FRY: variants seen among roughly 807,000 people sequenced by gnomAD.
FRY encodes the protein protein furry homolog.
In FRY, 128 loss-of-function variants were observed where a neutral mutation model predicts 348.4. That is an observed-to-expected ratio of 0.37 (90% CI 0.32 to 0.43). The LOEUF is 0.43. Among genes scored for constraint, FRY ranks in the 20% least tolerant of loss-of-function variants. FRY has a pLI of 1.00. For missense variants in FRY, 2,736 were observed against 3,695.2 expected (o/e 0.74, Z 6.73); for synonymous variants, 1,370 against 1,374.7 (o/e 1.00, Z 0.08).
intron 17 of FRY, among the ~76,000 whole-genome samples, chr13:32,168,618 C>G (rs1037615499): frequency 5.3e-5 from 8 of 152,222 alleles, no homozygotes; most frequent in Non-Finnish European, 1.2e-4. Flanking sequence ...CCTTCTCATT[C>G]TTCTTTCAGC....
chr13:32,033,097 G>A (rs1284478790), intron 1 of FRY, among the ~76,000 whole-genome samples: 1 of 152,162 alleles, frequency 6.6e-6, no homozygotes, highest in Non-Finnish European at 1.5e-5. Flanking sequence ...ATACACTATG[G>A]GGCTTGTCTG....
At chr13:32,284,856 C>T (rs1403297726) in intron 58 of FRY, among the ~76,000 whole-genome samples, 3 of 152,148 alleles carry the variant, frequency 2.0e-5, no homozygotes, top group Non-Finnish European at 4.4e-5. Flanking sequence ...TTTTTACTGA[C>T]TGGTTATGTC....
intron 1 of FRY, among the ~76,000 whole-genome samples, chr13:32,071,228 GT>G (rs1566054885): frequency 6.6e-6 from 1 of 152,170 alleles, no homozygotes; most frequent in Non-Finnish European, 1.5e-5. Context: ...CTTTAAAGTA[GT>G]TTTTTCCAAT....
chr13:32,068,639 C>T (rs768402589), intron 1 of FRY, among the ~76,000 whole-genome samples: 3 of 152,198 alleles, frequency 2.0e-5, no homozygotes, highest in Non-Finnish European at 4.4e-5. Context: ...ACAGGGCAGA[C>T]ACTTGTTGCT....
In FRY at chr13:32,249,631, G is replaced by A; in HGVS notation, c.7114G>A (p.Gly2372Ser). 2 of 1,614,202 alleles carry A rather than the reference G, an allele frequency of 1.2e-6. No individual in the cohort carries two copies. The highest frequency in any genetic ancestry group is 2.2e-5 in the East Asian group (1 of 44,878). Residue 2372 changes from glycine (G) to serine (S), a missense_variant, in exon 49 of 61, where the codon GGC (glycine) becomes AGC (serine). By Grantham distance (56) the Gly-to-Ser change is moderately conservative (BLOSUM62 0). Around this residue, in one of 9 missense-constraint regions of FRY, gnomAD observed 789 missense variants for 996.2 expected, o/e 0.79. Coordinates refer to ENST00000542859, the MANE Select transcript of FRY (RefSeq NM_023037.3). Reference protein sequence around the residue: ...VTRSTSSTSSGSNSNVLVPVS... With the variant: ...VTRSTSSTSSSSNSNVLVPVS... ...CCGGAGCACATCTTCCACTTCCTCA[G>A]GCTCCAACTCCAACGTCCTTGTTCC...
At chr13:32,055,579 C>T (rs954998704) in intron 1 of FRY, among the ~76,000 whole-genome samples, 4 of 152,140 alleles carry the variant, frequency 2.6e-5, no homozygotes, top group African/African-American at 9.7e-5. Context: ...TTATAAAGCT[C>T]TCTCCATCTT....
At chr13:32,151,307 A>T (rs995250744) in intron 14 of FRY, among the ~76,000 whole-genome samples, 21 of 152,186 alleles carry the variant, frequency 1.4e-4, no homozygotes, top group African/African-American at 2.2e-4. Flanking sequence ...ATTTAAAAAA[A>T]ATATATACCA....
At chr13:32,123,951 C>T (rs1366509400) in intron 4 of FRY, among the ~76,000 whole-genome samples, 1 of 152,182 alleles carries the variant, frequency 6.6e-6, no homozygotes, top group East Asian at 1.9e-4. Context: ...TCTCCTGCTT[C>T]AGCCTCTCAA....
chr13:32,078,850 C>A lies in FRY; in HGVS notation c.87C>A (p.Asn29Lys), dbSNP rs771608246. Residue 29 changes from asparagine to lysine, a missense_variant, in exon 2 of 61, where the codon AAC (asparagine) becomes AAA (lysine). Asn to Lys is a moderately conservative substitution (Grantham distance 94). Coordinates refer to ENST00000542859, the MANE Select transcript of FRY (RefSeq NM_023037.3). ...KSWSNTSPVG[N>K]GYIKPPVPPA... ...GTTTTTCAGCTTCTCCCGTTGGCAA[C>A]GGTTACATCAAGCCTCCGGTTCCAC... is the stretch of plus-strand genomic sequence containing the variant. 1.9e-6 allele frequency: 3 copies of A among 1,613,864 alleles called. No homozygotes were observed. The South Asian group carries it at 3.3e-5, about 18-fold the overall frequency.
intron 2 of FRY, among the ~76,000 whole-genome samples, chr13:32,086,253 G>A (rs1025426861): frequency 3.3e-5 from 5 of 152,068 alleles, no homozygotes; most frequent in Non-Finnish European, 5.9e-5. Flanking sequence ...TTTTGTCCAC[G>A]CCCCTCCCTA....
intron 2 of FRY, among the ~76,000 whole-genome samples, chr13:32,088,392 G>A (rs757397162): frequency 1.3e-5 from 2 of 152,154 alleles, no homozygotes; most frequent in Non-Finnish European, 2.9e-5. Flanking sequence ...TTTTAAAATA[G>A]CTGTTTCTTA....
chr13:32,161,315 A>G (rs1280459719), intron 17 of FRY, 64 bp downstream of exon 17: 2 of 992,646 alleles, frequency 2.0e-6, no homozygotes, highest in Non-Finnish European at 3.3e-6. Flanking sequence ...CTGAAAAAAA[A>G]ATAGAATGGT....
At chr13:32,091,741 T>C (rs996011117) in intron 2 of FRY, among the ~76,000 whole-genome samples, 39 of 152,338 alleles carry the variant, frequency 2.6e-4, no homozygotes, top group African/African-American at 8.7e-4. Context: ...TATTAACCAC[T>C]AAGACCAGAC....
intron 58 of FRY, among the ~76,000 whole-genome samples, chr13:32,283,451 A>G (rs1888910143): frequency 6.6e-6 from 1 of 152,234 alleles, no homozygotes; most frequent in South Asian, 2.1e-4. Flanking sequence ...GAATAAAGCT[A>G]GATAGAAGGG....
chr13:32,105,192 A>G (rs1002493486), intron 3 of FRY, among the ~76,000 whole-genome samples: 2 of 152,138 alleles, frequency 1.3e-5, no homozygotes, highest in African/African-American at 4.8e-5. Flanking sequence ...TTAAGTGGTA[A>G]TTTTCCCATG....
Position 32,239,730 on chromosome 13 carries a change from A to G in FRY, c.6536A>G (p.Asn2179Ser), listed in dbSNP as rs1231899420. 1 of 1,613,188 alleles carries G rather than the reference A, an allele frequency of 6.2e-7. No individual in the cohort carries two copies. Among genetic ancestry groups the G allele is most frequent in the South Asian group, 1.1e-5 (1 of 91,054 alleles). ...TAAAAGGTTTGTTTAGAAGAGAAGA[A>G]CCCCAAACTTTCAAATCTTGCACAT... The part of the protein sequence containing the change: ...RIAQVCLEEK[N>S]PKLSNLAHVM... The change falls in exon 46 of 61, where the codon AAC becomes AGC. Residue 2179 changes from asparagine to serine, a missense_variant. Around this residue, in one of 9 missense-constraint regions of FRY, gnomAD observed 789 missense variants for 996.2 expected, o/e 0.79. Coordinates refer to ENST00000542859, the MANE Select transcript of FRY (RefSeq NM_023037.3). The surrounding 1 kb of genome is among the most constrained non-coding windows in gnomAD (Gnocchi z 4.3).
chr13:32,155,358 C>T (rs1264942068), intron 14 of FRY, 133 bp from the exon 15 acceptor site: 33 of 729,984 alleles, frequency 4.5e-5, no homozygotes, highest in Non-Finnish European at 7.3e-5. Context: ...GCTCTACACT[C>T]TTGTGGCTTT....
intron 28 of FRY, among the ~76,000 whole-genome samples, chr13:32,191,509 C>A (rs1883336122): frequency 6.6e-6 from 1 of 152,086 alleles, no homozygotes; most frequent in Admixed American, 6.6e-5. Context: ...TCTAACTGAC[C>A]AGTAAACATA....
Position 32,268,506 on chromosome 13 carries a change from ATATATATAT to A in FRY, c.8136+1148_8136+1156del, listed in dbSNP as rs1303625127. ...TAGTTTAAAAAAAAAAAAAAAAAAA[ATATATATAT>A]ATATATATATATATATATATATATC... On this transcript the variant is annotated intron_variant, in intron 55 of 60. Coordinates refer to ENST00000542859, the MANE Select transcript of FRY (RefSeq NM_023037.3). 9.4e-3 allele frequency among the ~76,000 whole-genome samples: 270 copies of A among 28,836 alleles called. 4 individuals are homozygous for A. Among genetic ancestry groups the A allele is most frequent in the East Asian group, 0.086 (55 of 636 alleles). 18.9% of individuals were successfully genotyped at this position (28,836 alleles called of 152,430 possible).
Sources: allele counts gnomAD v4.1 joint callset (sites outside exome capture counted in the v4.1 genomes callset), GRCh38; gene constraint gnomAD v4.1.1; regional missense constraint gnomAD v4.1.1; non-coding constraint Gnocchi (gnomAD v3.1); transcripts MANE v1.5; gene names NCBI Gene and HGNC (gene_info 2026-07-23, HGNC 2026-07-21).